Variants in RAI1 observed in about 807,000 individuals in gnomAD.
RAI1 encodes the protein retinoic acid induced 1.
In RAI1, 9 loss-of-function variants were observed where a neutral mutation model predicts 123.8. That is an observed-to-expected ratio of 0.07 (90% CI 0.04 to 0.13). The LOEUF (loss-of-function observed/expected upper bound fraction) is 0.13. Ranked by LOEUF, RAI1 falls within the 10% of genes least tolerant of loss-of-function variation. RAI1 has a pLI of 1.00. For missense variants in RAI1, 2,256 were observed against 2,545.8 expected (o/e 0.89, Z 2.45); for synonymous variants, 1,231 against 1,127.3 (o/e 1.09, Z -1.84).
At chr17:17,775,591 C>G (rs1941273327) in intron 2 of RAI1, among the ~76,000 whole-genome samples, 1 of 152,050 alleles carries the variant, frequency 6.6e-6, no homozygotes, top group Non-Finnish European at 1.5e-5. Flanking sequence ...ATACAGTAAA[C>G]TAAAGAAAAG....
At position 17,793,187 on chromosome 17, in the gene RAI1, G is replaced by C; in HGVS notation, c.239G>C (p.Arg80Pro). Residue 80 changes from arginine to proline, a missense_variant, in exon 3 of 6, where the codon CGA becomes CCA. Arg to Pro is a moderately radical substitution (Grantham distance 103). This residue lies in a region of RAI1 where 336 missense variants were observed against 349.8 expected (regional missense o/e 0.96). Coordinates refer to ENST00000353383, the MANE Select transcript of RAI1 (RefSeq NM_030665.4). ...GCGGTGGCCGCCGACAAGTACCACC[G>C]AGGCAGCAAGGCCCTGCCCACACAG... Reference protein sequence around the residue: ...AAAVAADKYHRGSKALPTQQG... With the variant: ...AAAVAADKYHPGSKALPTQQG... 6.2e-7 allele frequency: 1 copy of C among 1,612,924 alleles called. No individual in the cohort carries two copies. Among genetic ancestry groups the C allele is most frequent in the Non-Finnish European group, 8.5e-7 (1 of 1,179,772 alleles).
intron 1 of RAI1, among the ~76,000 whole-genome samples, chr17:17,718,056 C>T (rs1045184660): frequency 6.6e-6 from 1 of 152,292 alleles, no homozygotes; most frequent in East Asian, 1.9e-4. Flanking sequence ...GAAGACGCCT[C>T]GGTCTTGGCC....
chr17:17,699,075 A>G (rs1301696593), intron 1 of RAI1, among the ~76,000 whole-genome samples: 1 of 152,174 alleles, frequency 6.6e-6, no homozygotes, highest in Non-Finnish European at 1.5e-5. Context: ...CTCAGCCGGG[A>G]TTGAAGGAAT....
intron 2 of RAI1, among the ~76,000 whole-genome samples, chr17:17,790,311 G>A (rs2031966957): frequency 6.6e-6 from 1 of 152,214 alleles, no homozygotes; most frequent in South Asian, 2.1e-4. Flanking sequence ...CTTTGCCTTG[G>A]GTTCCAGGGT....
intron 2 of RAI1, among the ~76,000 whole-genome samples, chr17:17,775,989 G>A (rs112847125): frequency 0.025 from 3,814 of 152,324 alleles, 176 homozygotes; most frequent in African/African-American, 0.087. Context: ...TGGCTGCTGC[G>A]TCCCCCAAAG....
chr17:17,775,350 T>C (rs1002784421), intron 2 of RAI1, among the ~76,000 whole-genome samples: 2 of 151,942 alleles, frequency 1.3e-5, no homozygotes, highest in Middle Eastern at 3.2e-3. Context: ...ACTACAGGCA[T>C]GCATCACCAT....
At position 17,797,137 on chromosome 17, in the gene RAI1, G is replaced by T; in HGVS notation, c.4189G>T (p.Asp1397Tyr). ...GCAGAAGCTCCCAACTTCTGGGGCT[G>T]ATCCGTTATGCAGAAATCCAACCAA... ...TGQKLPTSGA[D>Y]PLCRNPTNRS... Residue 1397 changes from aspartate (D) to tyrosine (Y), a missense_variant, in exon 3 of 6, where the codon GAT (aspartate) becomes TAT (tyrosine). By Grantham distance (160) the Asp-to-Tyr change is radical (BLOSUM62 -3). Around this residue, in one of 7 missense-constraint regions of RAI1, gnomAD observed 410 missense variants for 374.6 expected, o/e 1.09. Coordinates refer to ENST00000353383, the MANE Select transcript of RAI1 (RefSeq NM_030665.4). 1 of 1,614,030 alleles carries T rather than the reference G, an allele frequency of 6.2e-7. No homozygotes were observed. The highest frequency in any genetic ancestry group is 8.5e-7 in the Non-Finnish European group (1 of 1,180,050).
intron 2 of RAI1, among the ~76,000 whole-genome samples, chr17:17,787,381 C>A (rs2031861312): frequency 6.6e-6 from 1 of 152,202 alleles, no homozygotes; most frequent in Non-Finnish European, 1.5e-5. Context: ...CACCCCCCAC[C>A]CTTTTTCCCT....
intron 4 of RAI1, among the ~76,000 whole-genome samples, chr17:17,805,756 C>T (rs1240675721): frequency 6.6e-6 from 1 of 152,226 alleles, no homozygotes; most frequent in East Asian, 1.9e-4. Context: ...TGGCTTCACG[C>T]TCCCACTCTG....
At chr17:17,684,954 G>A (rs1914580912) in intron 1 of RAI1, 1 of 152,122 alleles carries the variant, frequency 6.6e-6, no homozygotes, top group East Asian at 1.9e-4. Context: ...GAGAATAACA[G>A]TACAGACCTC....
chr17:17,756,197 ATTT>A (rs765341751), intron 2 of RAI1, among the ~76,000 whole-genome samples: 1 of 143,374 alleles, frequency 7.0e-6, no homozygotes, highest in African/African-American at 2.6e-5. Flanking sequence ...GAGTGAATGA[ATTT>A]TTTTTTTTTT....
chr17:17,744,439 C>T (rs895276181), intron 2 of RAI1, among the ~76,000 whole-genome samples: 2 of 152,118 alleles, frequency 1.3e-5, no homozygotes, highest in East Asian at 3.9e-4. Context: ...GCAGCCTTGG[C>T]GTGGTTTTCA....
chr17:17,750,736 T>TCTGG (rs1156674412), intron 2 of RAI1, among the ~76,000 whole-genome samples: 1 of 149,628 alleles, frequency 6.7e-6, no homozygotes, highest in Non-Finnish European at 1.5e-5. Flanking sequence ...ATGATGGGTG[T>TCTGG]CTGGAGATGC....
chr17:17,765,835 G>C (rs1327018063), intron 2 of RAI1: 1 of 152,262 alleles, frequency 6.6e-6, no homozygotes, highest in Non-Finnish European at 1.5e-5. Flanking sequence ...CCCTCTTGGG[G>C]TGTGGCATTT....
Position 17,809,949 on chromosome 17 carries a change from G to A in RAI1, c.5710-21G>A, listed in dbSNP as rs1598102593. The A allele has an allele frequency of 1.3e-6, 2 of 1,559,330 alleles. No homozygotes were observed. The highest frequency in any genetic ancestry group is 1.2e-5 in the South Asian group (1 of 84,774). ...TGAAGTCCGAGGTCGTCGGTAACTG[G>A]CGGGCGGGCGTCTTTTGCAGAGGCT... On this transcript the variant is annotated intron_variant, in intron 5 of 5. Coordinates refer to ENST00000353383, the MANE Select transcript of RAI1 (RefSeq NM_030665.4). This position sits in a 1 kb window ranked among gnomAD's most constrained non-coding sequence, Gnocchi z 4.9.
At chr17:17,726,420 C>T (rs1916091636) in intron 2 of RAI1, among the ~76,000 whole-genome samples, 1 of 90,764 alleles carries the variant, frequency 1.1e-5, no homozygotes, top group Non-Finnish European at 2.3e-5. Context: ...GGACTGAAAC[C>T]AGCAAGGGAT....
In RAI1 at chr17:17,797,233, T is replaced by A; in HGVS notation, c.4285T>A (p.Phe1429Ile). ...SSTDCFKTEA[F>I]TSPEALQPGG... is the part of the protein sequence containing the mutation. Reference sequence around the variant, plus strand: ...TACTGACTGTTTCAAAACCGAGGCCTTCACATCCCCGGAGGCCCTGCAGCC... The same window carrying A: ...TACTGACTGTTTCAAAACCGAGGCCATCACATCCCCGGAGGCCCTGCAGCC... Residue 1429 changes from phenylalanine to isoleucine, a missense_variant, in exon 3 of 6, where the codon TTC becomes ATC. Transcript: ENST00000353383. 3.1e-6 allele frequency: 5 copies of A among 1,613,534 alleles called. No homozygotes were observed. Among genetic ancestry groups the A allele is most frequent in the Non-Finnish European group, 4.2e-6 (5 of 1,180,008 alleles).
At chr17:17,736,159 G>A (rs1916425881) in intron 2 of RAI1, among the ~76,000 whole-genome samples, 1 of 152,144 alleles carries the variant, frequency 6.6e-6, no homozygotes. Context: ...TGTGAACTGT[G>A]AGTATGTGCA....
At position 17,798,348 on chromosome 17, in the gene RAI1, C is replaced by T; in HGVS notation, c.5400C>T (p.Asp1800=). The T allele has an allele frequency of 6.2e-7, 1 of 1,604,554 alleles. No individual in the cohort carries two copies. Among genetic ancestry groups the T allele is most frequent in the Non-Finnish European group, 8.5e-7 (1 of 1,175,462 alleles). Residue 1800 remains aspartate (D), a synonymous_variant, in exon 3 of 6, where the codon GAC becomes GAT. Coordinates refer to ENST00000353383, the MANE Select transcript of RAI1 (RefSeq NM_030665.4). ...GGGGCGAGGAGGCAGCCCCAGCCGACAAGGGTCGCAAACATGAGTGCAGCA... is the reference window on the plus strand; with the variant it reads ...GGGGCGAGGAGGCAGCCCCAGCCGATAAGGGTCGCAAACATGAGTGCAGCA... ...EDGGEEAAPA[D]KGRKHECSKE...
Sources: gnomAD v4.1 joint callset for allele counts (sites outside exome capture counted in the v4.1 genomes callset) on GRCh38, gnomAD v4.1.1 for gene constraint, gnomAD v4.1.1 regional missense constraint, Gnocchi (gnomAD v3.1) non-coding constraint, MANE v1.5 for transcripts, NCBI Gene and HGNC (gene_info 2026-07-23, HGNC 2026-07-21) for gene names.